Variants in NOMO1 observed in about 807,000 individuals in gnomAD.
NOMO1 encodes NODAL modulator 1.
In NOMO1, 40 loss-of-function variants were observed where a neutral mutation model predicts 133.8. That is an observed-to-expected ratio of 0.30 (90% CI 0.23 to 0.39). The LOEUF is 0.39. Ranked by LOEUF, NOMO1 falls within the 10% of genes least tolerant of loss-of-function variation. The pLI is 1.00. For synonymous variants in NOMO1, 236 were observed against 570.5 expected (o/e 0.41, Z 8.36); for missense variants, 462 against 1,419.9 (o/e 0.33, Z 10.84).
chr16:14,893,634 C>G (rs1393683966), intron 29 of NOMO1, among the ~76,000 whole-genome samples: 1 of 151,678 alleles, frequency 6.6e-6, no homozygotes, highest in African/African-American at 2.4e-5. Flanking sequence ...CCAGGTACAG[C>G]GGCGCCCACA....
chr16:14,853,264 C>G, intron 7 of NOMO1: 1 of 424,040 alleles, frequency 2.4e-6, no homozygotes, highest in Non-Finnish European at 4.0e-6. Flanking sequence ...TCATCTTTCC[C>G]GGGAAGACTG....
intron 2 of NOMO1, among the ~76,000 whole-genome samples, chr16:14,840,379 G>C (rs1393641448): frequency 5.4e-4 from 39 of 72,794 alleles, no homozygotes; most frequent in African/African-American, 2.0e-3. Flanking sequence ...CTGAGCTCAG[G>C]AGTGTGAGAC....
intron 17 of NOMO1, among the ~76,000 whole-genome samples, chr16:14,871,890 C>G (rs1020306135): frequency 2.6e-5 from 4 of 150,950 alleles, no homozygotes; most frequent in African/African-American, 9.8e-5. Flanking sequence ...CCCAAGAATT[C>G]TGTAACCCCA....
intron 26 of NOMO1, among the ~76,000 whole-genome samples, chr16:14,884,061 CCTT>C (rs1342698527): frequency 6.7e-6 from 1 of 148,792 alleles, no homozygotes; most frequent in African/African-American, 2.5e-5. Context: ...GCATCCTTCT[CCTT>C]TTTTTTTTAA....
intron 11 of NOMO1, among the ~76,000 whole-genome samples, chr16:14,859,445 A>T (rs558561513): frequency 2.7e-5 from 4 of 150,406 alleles, no homozygotes; most frequent in Admixed American, 1.3e-4. Context: ...AAAATGCTTC[A>T]TACCTAATAA....
chr16:14,853,456 C>A lies in NOMO1; in HGVS notation c.736-11C>A. ...AAAAGGAAGTCTTGTCTTTTTTACC[C>A]CCTGGCATAGGATGTCCTGGGCTGC... On this transcript the variant is annotated splice_polypyrimidine_tract_variant and intron_variant, in intron 7 of 30. Transcript: ENST00000287667. 6.5e-7 allele frequency: 1 copy of A among 1,548,102 alleles called. No individual in the cohort carries two copies. Among genetic ancestry groups the A allele is most frequent in the South Asian group, 1.1e-5 (1 of 87,676 alleles).
intron 1 of NOMO1, among the ~76,000 whole-genome samples, chr16:14,836,559 C>G (rs893154730): frequency 2.6e-5 from 4 of 151,926 alleles, no homozygotes; most frequent in African/African-American, 9.7e-5. Flanking sequence ...AACTGAGCCT[C>G]AGAGTGGTTG....
intron 27 of NOMO1, among the ~76,000 whole-genome samples, chr16:14,885,650 G>T (rs1010822663): frequency 9.9e-5 from 15 of 151,476 alleles, no homozygotes; most frequent in African/African-American, 3.7e-4. Flanking sequence ...GAGTGCAGAG[G>T]GTTGGGTAGG....
At chr16:14,866,184 C>T (rs1467269296) in intron 14 of NOMO1, among the ~76,000 whole-genome samples, 1 of 147,092 alleles carries the variant, frequency 6.8e-6, no homozygotes, top group Non-Finnish European at 1.5e-5. Flanking sequence ...CTCAGCTTCC[C>T]GAGTAGCTGG....
chr16:14,876,485 TCA>T lies in NOMO1; in HGVS notation c.2486_2487del (p.Thr829SerfsTer4). 3 of 1,611,454 alleles carry T rather than the reference TCA, an allele frequency of 1.9e-6. No individual in the cohort carries two copies. Among genetic ancestry groups the T allele is most frequent in the Non-Finnish European group, 2.5e-6 (3 of 1,179,778 alleles). On this transcript the variant is annotated frameshift_variant, in exon 21 of 31. Transcript: ENST00000287667. LOFTEE classifies it high-confidence loss of function. ...GAAAAGGGGGCAAGTTCACCGCTGATCACAGTCTTTACTGATGACAAAGGTGC... is the reference window on the plus strand; with the variant it reads ...GAAAAGGGGGCAAGTTCACCGCTGATCAGTCTTTACTGATGACAAAGGTGC...
chr16:14,837,008 T>C (rs1963526240), intron 1 of NOMO1, among the ~76,000 whole-genome samples: 1 of 149,104 alleles, frequency 6.7e-6, no homozygotes. Context: ...CCCGGCCCCA[T>C]TTTACTTATT....
chr16:14,873,010 A>G (rs1964101434), intron 18 of NOMO1, among the ~76,000 whole-genome samples: 1 of 115,770 alleles, frequency 8.6e-6, no homozygotes, highest in South Asian at 3.6e-4. Flanking sequence ...TCCATCCGTC[A>G]TCCCTGCAGA....
intron 29 of NOMO1, among the ~76,000 whole-genome samples, chr16:14,894,232 T>A (rs889095215): frequency 2.6e-5 from 4 of 152,072 alleles, no homozygotes; most frequent in Admixed American, 6.6e-5. Flanking sequence ...GCCCCTTCTG[T>A]CTCATTGCGC....
intron 29 of NOMO1, among the ~76,000 whole-genome samples, chr16:14,892,274 G>GTCC (rs1964416170): frequency 6.6e-6 from 1 of 151,878 alleles, no homozygotes; most frequent in Admixed American, 6.6e-5. Flanking sequence ...AGAAAGATAA[G>GTCC]CATATACAAG....
intron 29 of NOMO1, among the ~76,000 whole-genome samples, chr16:14,892,196 G>A (rs1437825239): frequency 6.6e-6 from 1 of 151,626 alleles, no homozygotes; most frequent in Admixed American, 6.6e-5. Flanking sequence ...AGTGAGCTAA[G>A]ATAGCCCCAG....
At chr16:14,857,194 T>C (rs747906532) in intron 9 of NOMO1, 23 bp from the exon 10 acceptor site, 2 of 1,607,776 alleles carry the variant, frequency 1.2e-6, no homozygotes, top group Non-Finnish European at 1.7e-6. Flanking sequence ...TCGAGCACCT[T>C]CTTCTTGTTC....
chr16:14,879,275 TG>T, intron 23 of NOMO1, among the ~76,000 whole-genome samples: 1 of 151,680 alleles, frequency 6.6e-6, no homozygotes, highest in African/African-American at 2.4e-5. Flanking sequence ...ATTCAGGAAG[TG>T]TGTGTTAGTT....
chr16:14,882,420 TA>T lies in NOMO1; in HGVS notation c.3028-173del, dbSNP rs562261665. On this transcript the variant is annotated intron_variant, in intron 25 of 30. Coordinates refer to ENST00000287667, the MANE Select transcript of NOMO1 (RefSeq NM_014287.4). ...CGCAAAATTTCAGATGTTTCAACAC[TA>T]GGGGTGTTCTTAAAGGAACTCTGGA... Among the ~76,000 whole-genome samples, 209 of 132,614 alleles carry T rather than the reference TA, an allele frequency of 1.6e-3. 1 individual carries two copies. Among genetic ancestry groups the T allele is most frequent in the Middle Eastern group, 0.014 (4 of 286 alleles). 87.0% of individuals were successfully genotyped at this position (132,614 alleles called of 152,430 possible). A position where few individuals can be genotyped will look rare whatever the true frequency, so the allele number is the denominator to read the frequency against.
rs771942415 is a variant in NOMO1, at chr16:14,882,693, C to G, written c.3111+16C>G. 1.9e-5 allele frequency: 30 copies of G among 1,611,582 alleles called. No homozygotes were observed. Among genetic ancestry groups the G allele is most frequent in the Non-Finnish European group, 2.5e-5 (29 of 1,179,796 alleles). On this transcript the variant is annotated intron_variant, in intron 26 of 30. Transcript: ENST00000287667. ...GGTGATTGAGGTAAGGCATTCAGTG[C>G]TGCCGCTGCACCTGGGTGTGGGTGC...
Sources: allele counts gnomAD v4.1 joint callset (sites outside exome capture counted in the v4.1 genomes callset), GRCh38; gene constraint gnomAD v4.1.1; transcripts MANE v1.5; gene names NCBI Gene and HGNC (gene_info 2026-07-23, HGNC 2026-07-21).